TBL3: variants seen among roughly 807,000 people sequenced by gnomAD.
TBL3 encodes transducin beta-like protein 3.
Under a neutral mutation model 102.7 loss-of-function variants are expected in TBL3, and 71 were observed. That is an observed-to-expected ratio of 0.69 (90% CI 0.57 to 0.84). The LOEUF is 0.84. Ranked by LOEUF, TBL3 falls within the 40% of genes least tolerant of loss-of-function variation. The pLI is 0.00. For synonymous variants in TBL3, 578 were observed against 477.7 expected (o/e 1.21, Z -2.74); for missense variants, 1,188 against 1,098.5 (o/e 1.08, Z -1.15).
rs1194916676 is a variant in TBL3, at chr16:1,978,160, G to A, written c.2074G>A (p.Asp692Asn). Residue 692 changes from aspartate (D) to asparagine (N), a missense_variant, in exon 20 of 22, where the codon GAC becomes AAC. Physicochemically the swap from Asp to Asn is conservative, Grantham distance 23. Coordinates refer to ENST00000568546, the MANE Select transcript of TBL3 (RefSeq NM_006453.3). Reference protein sequence around the residue: ...VLTVIQAIRRDPEACEKLEAT... With the variant: ...VLTVIQAIRRNPEACEKLEAT... ...CCCTTCTCCCACAGCCATCCGGAGG[G>A]ACCCTGAGGCCTGCGAGAAGCTGGA... The A allele has an allele frequency of 6.2e-7, 1 of 1,612,752 alleles. No individual in the cohort carries two copies. Among genetic ancestry groups the A allele is most frequent in the Admixed American group, 1.7e-5 (1 of 60,012 alleles).
In TBL3 at chr16:1,977,374, G is replaced by T. The variant is rs2150884724; in HGVS notation, c.1690G>T (p.Ala564Ser). The T allele has an allele frequency of 4.3e-6, 7 of 1,613,382 alleles. No homozygotes were observed. In the South Asian group the frequency reaches 6.6e-5, roughly 15 times the overall value. The change falls in exon 16 of 22, where the codon GCT (alanine) becomes TCT (serine). Residue 564 changes from alanine to serine, a missense_variant. Transcript: ENST00000568546. ...SCLKTFEGHD[A>S]SVLKVAFVSR... ...CTTGCAGACATTTGAGGGGCACGAT[G>T]CTTCTGTGCTGAAGGTGGCCTTTGT... is the stretch of plus-strand genomic sequence containing the variant.
In TBL3 at chr16:1,980,749, G is replaced by A. The variant is rs1440645618; in HGVS notation, c.*2064G>A. On this transcript the variant is annotated 3_prime_UTR_variant, in exon 22 of 22. Transcript: ENST00000568546. ...AGGGTCTTCTGAGGGCGGGAACCAG[G>A]GCATTGGTCTTCCAGAGCCCACTGT... 1.9e-6 allele frequency: 3 copies of A among 1,584,218 alleles called. No homozygotes were observed. The highest frequency in any genetic ancestry group is 2.6e-6 in the Non-Finnish European group (3 of 1,164,096).
rs763672005 is a variant in TBL3, at chr16:1,974,042, C to G, written c.42-14C>G. 6.5e-7 allele frequency: 1 copy of G among 1,543,006 alleles called. No homozygotes were observed. The highest frequency in any genetic ancestry group is 1.4e-5 in the African/African-American group (1 of 73,264). On this transcript the variant is annotated splice_polypyrimidine_tract_variant and intron_variant, in intron 1 of 21. Coordinates refer to ENST00000568546, the MANE Select transcript of TBL3 (RefSeq NM_006453.3). ...GGGTGGGTGGTGCTCATTCGCCTCC[C>G]GCTCTCCTTCCAGCTATGCTGTGGA...
Position 1,977,982 on chromosome 16 carries a change from G to A in TBL3, c.1983G>A (p.Leu661=), listed in dbSNP as rs772434936. The change falls in exon 19 of 22, where the codon CTG becomes CTA. Residue 661 remains leucine (L), a synonymous_variant. Transcript: ENST00000568546. ...GGCAGCAAGAGCTGGACAACCTGCT[G>A]CATGAGAAGCGGTACCTGCGGGCGC... ...VVRQQELDNL[L]HEKRYLRALG... is the part of the protein sequence containing the mutation. The A allele has an allele frequency of 6.2e-7, 1 of 1,604,268 alleles. No individual in the cohort carries two copies. The highest frequency in any genetic ancestry group is 1.7e-5 in the Admixed American group (1 of 59,402).
At position 1,978,081 on chromosome 16, in the gene TBL3, G is replaced by A. The variant is rs749912673; in HGVS notation, c.2062+20G>A. The stretch of plus-strand genomic sequence containing the variant: ...TCCAGGGTCAGTGCCCACCCCGGGG[G>A]GCGAGGGGCTGGGTCTTCGGACCAC... On this transcript the variant is annotated intron_variant, in intron 19 of 21. Coordinates refer to ENST00000568546, the MANE Select transcript of TBL3 (RefSeq NM_006453.3). 5 of 1,605,522 alleles carry A rather than the reference G, an allele frequency of 3.1e-6. No individual in the cohort carries two copies. In the East Asian group the frequency reaches 1.1e-4, roughly 36 times the overall value.
rs377458388 is a variant in TBL3 at position 1,977,500 on chromosome 16, C to T, written c.1743-14C>T. On this transcript the variant is annotated splice_polypyrimidine_tract_variant and intron_variant, in intron 16 of 21. Transcript: ENST00000568546. Reference sequence around the variant, plus strand: ...ACCTGCCTGACGCTGAGCCTCTCCCCACCCCAAACCCAGCGGTTCGGATGG... The same window carrying T: ...ACCTGCCTGACGCTGAGCCTCTCCCTACCCCAAACCCAGCGGTTCGGATGG... 95 of 1,609,288 alleles carry T rather than the reference C, an allele frequency of 5.9e-5. No homozygotes were observed. Among genetic ancestry groups the T allele is most frequent in the Non-Finnish European group, 7.5e-5 (88 of 1,178,344 alleles).
Position 1,975,253 on chromosome 16 carries a change from T to G in TBL3, c.702T>G (p.Pro234=), listed in dbSNP as rs1284776672. 1 of 1,613,766 alleles carries G rather than the reference T, an allele frequency of 6.2e-7. No individual in the cohort carries two copies. ...LQSCQATRTV[P]VFESVEAAVL... The stretch of plus-strand genomic sequence containing the variant: ...GCTGCCAGGCCACGAGGACCGTGCC[T>G]GTGTTTGAGGTGGGGATGCCTGGAG... Residue 234 remains proline, a synonymous_variant, in exon 8 of 22, where the codon CCT becomes CCG. Coordinates refer to ENST00000568546, the MANE Select transcript of TBL3 (RefSeq NM_006453.3).
rs757761587 is a variant in TBL3 at position 1,972,168 on chromosome 16, G to A, written c.4G>A (p.Ala2Thr). 11 of 1,447,796 alleles carry A rather than the reference G, an allele frequency of 7.6e-6. No homozygotes were observed. The South Asian group carries it at 1.5e-4, about 20-fold the overall frequency. The allele number at this position is 1,447,796 out of a possible 1,614,324, so 89.7% of individuals were successfully genotyped here. Residue 2 changes from alanine to threonine, a missense_variant, in exon 1 of 22, where the codon GCA becomes ACA. By Grantham distance (58) the Ala-to-Thr change is moderately conservative. Transcript: ENST00000568546. Reference sequence around the variant, plus strand: ...CTGGAGCGGCGGCGGCGGCAACATGGCAGAGACCGCGGCCGGAGTGGGCCG... The same window carrying A: ...CTGGAGCGGCGGCGGCGGCAACATGACAGAGACCGCGGCCGGAGTGGGCCG... M[A>T]ETAAGVGRFK...
chr16:1,975,874 G>A lies in TBL3; in HGVS notation c.1054G>A (p.Val352Met), dbSNP rs202186758. 48 of 1,614,098 alleles carry A rather than the reference G, an allele frequency of 3.0e-5. No individual in the cohort carries two copies. The highest frequency in any genetic ancestry group is 1.7e-4 in the African/African-American group (13 of 75,050). The change falls in exon 11 of 22, where the codon GTG (valine) becomes ATG (methionine). Residue 352 changes from valine (V) to methionine (M), a missense_variant. By Grantham distance (21) the Val-to-Met change is conservative (BLOSUM62 1). Transcript: ENST00000568546. ...FLGPEDSHVV[V>M]ASNSPCLKVF... ...TGGGCCCGAGGACTCCCACGTTGTCGTGGCCTCCAATAGCCCCTGCCTAAA... is the reference window on the plus strand; with the variant it reads ...TGGGCCCGAGGACTCCCACGTTGTCATGGCCTCCAATAGCCCCTGCCTAAA...
Position 1,975,071 on chromosome 16 carries a change from T to C in TBL3, c.608T>C (p.Phe203Ser). 6.2e-7 allele frequency: 1 copy of C among 1,609,556 alleles called. No individual in the cohort carries two copies. The highest frequency in any genetic ancestry group is 1.7e-5 in the Admixed American group (1 of 60,010). The change falls in exon 7 of 22, where the codon TTC becomes TCC. Residue 203 changes from phenylalanine (F) to serine (S), a missense_variant. Phe to Ser is a radical substitution (Grantham distance 155, BLOSUM62 -2). Coordinates refer to ENST00000568546, the MANE Select transcript of TBL3 (RefSeq NM_006453.3). ...TACAGCGCCGTCACCTCACTGGCCT[T>C]CAGCGCCGACGGCCACACCATGCTC... ...AHYSAVTSLA[F>S]SADGHTMLSS...
At position 1,975,078 on chromosome 16, in the gene TBL3, C is replaced by T. The variant is rs745912184; in HGVS notation, c.615C>T (p.Ala205=). The T allele has an allele frequency of 1.3e-5, 21 of 1,610,138 alleles. No individual in the cohort carries two copies. Among genetic ancestry groups the T allele is most frequent in the Non-Finnish European group, 1.5e-5 (18 of 1,180,002 alleles). ...CCGTCACCTCACTGGCCTTCAGCGC[C>T]GACGGCCACACCATGCTCAGGTCAG... ...YSAVTSLAFS[A]DGHTMLSSGR... The change falls in exon 7 of 22, where the codon GCC becomes GCT. Residue 205 remains alanine (A), a synonymous_variant. Coordinates refer to ENST00000568546, the MANE Select transcript of TBL3 (RefSeq NM_006453.3).
chr16:1,975,063 A>G lies in TBL3; in HGVS notation c.600A>G (p.Ser200=). 6.2e-7 allele frequency: 1 copy of G among 1,608,816 alleles called. No homozygotes were observed. Among genetic ancestry groups the G allele is most frequent in the Non-Finnish European group, 8.5e-7 (1 of 1,179,942 alleles). Residue 200 remains serine, a synonymous_variant, in exon 7 of 22, where the codon TCA becomes TCG. Coordinates refer to ENST00000568546, the MANE Select transcript of TBL3 (RefSeq NM_006453.3). The stretch of plus-strand genomic sequence containing the variant: ...CTGCCCACTACAGCGCCGTCACCTC[A>G]CTGGCCTTCAGCGCCGACGGCCACA... ...VLTAHYSAVT[S]LAFSADGHTM...
rs2083529164 is a variant in TBL3 at position 1,982,876 on chromosome 16, C to G, written c.*4191C>G. 6.6e-6 allele frequency: 1 copy of G among 151,628 alleles called. No individual in the cohort carries two copies. Among genetic ancestry groups the G allele is most frequent in the Non-Finnish European group, 1.5e-5 (1 of 67,960 alleles). The allele number at this position is 151,628 out of a possible 1,614,324, so 9.4% of individuals were successfully genotyped here. A position where few individuals can be genotyped will look rare whatever the true frequency, so the allele number is the denominator to read the frequency against. ...CGCGGCTGCAGTGAACAAGATCGCG[C>G]CACTGCACTCCACCCTGGGTAACGG... On this transcript the variant is annotated 3_prime_UTR_variant, in exon 22 of 22. Coordinates refer to ENST00000568546, the MANE Select transcript of TBL3 (RefSeq NM_006453.3).
In TBL3 at chr16:1,974,381, C is replaced by A. The variant is rs772569204; in HGVS notation, c.195C>A (p.Asp65Glu). Residue 65 changes from aspartate to glutamate, a missense_variant, in exon 4 of 22, where the codon GAC (aspartate) becomes GAA (glutamate). Coordinates refer to ENST00000568546, the MANE Select transcript of TBL3 (RefSeq NM_006453.3). ...GAVLRSLEQE[D>E]QEDITAFDLS... Reference sequence around the variant, plus strand: ...CACACCACTCTTTCTCCTAGGAGGACCAGGAGGACATCACTGCCTTTGACC... The same window carrying A: ...CACACCACTCTTTCTCCTAGGAGGAACAGGAGGACATCACTGCCTTTGACC... The A allele has an allele frequency of 6.2e-7, 1 of 1,610,196 alleles. No homozygotes were observed.
Position 1,978,909 on chromosome 16 carries a change from G to A in TBL3, c.*224G>A, listed in dbSNP as rs760095550. 56 of 1,102,880 alleles carry A rather than the reference G, an allele frequency of 5.1e-5. No homozygotes were observed. Among genetic ancestry groups the A allele is most frequent in the Non-Finnish European group, 6.7e-5 (52 of 780,654 alleles). The allele number at this position is 1,102,880 out of a possible 1,614,324, so 68.3% of individuals were successfully genotyped here. On this transcript the variant is annotated 3_prime_UTR_variant, in exon 22 of 22. Coordinates refer to ENST00000568546, the MANE Select transcript of TBL3 (RefSeq NM_006453.3). ...AGCCCGCGGCTCCGCACGCTTAGACGGTGGGGGTCATGCAGAACAAGCTTT... is the reference window on the plus strand; with the variant it reads ...AGCCCGCGGCTCCGCACGCTTAGACAGTGGGGGTCATGCAGAACAAGCTTT...
rs754565108 is a variant in TBL3, at chr16:1,980,067, C to G, written c.*1382C>G. 1.9e-6 allele frequency: 3 copies of G among 1,607,752 alleles called. No individual in the cohort carries two copies. The East Asian group carries it at 6.7e-5, about 36-fold the overall frequency. ...CCTGAAAAGGCCTATCCCGCGTGTCCTGGGTACAGAAGGGCTGCAGGCAGC... is the reference window on the plus strand; with the variant it reads ...CCTGAAAAGGCCTATCCCGCGTGTCGTGGGTACAGAAGGGCTGCAGGCAGC... On this transcript the variant is annotated 3_prime_UTR_variant, in exon 22 of 22. Transcript: ENST00000568546.
In TBL3 at chr16:1,975,368, G is replaced by A; in HGVS notation, c.735G>A (p.Leu245=). 6.2e-7 allele frequency: 1 copy of A among 1,614,004 alleles called. No individual in the cohort carries two copies. Among genetic ancestry groups the A allele is most frequent in the Non-Finnish European group, 8.5e-7 (1 of 1,180,010 alleles). ...VFESVEAAVL[L]PEEPVSQLGV... is the part of the protein sequence containing the mutation. Reference sequence around the variant, plus strand: ...AGAGCGTGGAGGCTGCTGTGCTGTTGCCAGAGGAGCCAGTGTCCCAGCTGG... The same window carrying A: ...AGAGCGTGGAGGCTGCTGTGCTGTTACCAGAGGAGCCAGTGTCCCAGCTGG... Residue 245 remains leucine (L), a synonymous_variant, in exon 9 of 22, where the codon TTG becomes TTA. Transcript: ENST00000568546.
chr16:1,977,052 AG>A lies in TBL3; in HGVS notation c.1441del, dbSNP rs1347421464. On this transcript the variant is annotated splice_acceptor_variant, in intron 14 of 21. Transcript: ENST00000568546. LOFTEE classifies it high-confidence loss of function. ...TGAGCCACCACCTTCTCCCATTGCC[AG>A]GACATCAACAGCGTGGCTATTGCCC... 6.2e-7 allele frequency: 1 copy of A among 1,612,956 alleles called. No homozygotes were observed. Among genetic ancestry groups the A allele is most frequent in the Non-Finnish European group, 8.5e-7 (1 of 1,179,758 alleles).
In TBL3 at chr16:1,982,123, C is replaced by T. The variant is rs1399112831; in HGVS notation, c.*3438C>T. On this transcript the variant is annotated 3_prime_UTR_variant, in exon 22 of 22. Transcript: ENST00000568546. ...CAGTGGTTTTTCCTCGTGCTGGGGC[C>T]ACCAGTTCTGTGTTGGGATGCACCT... 1 of 152,200 alleles carries T rather than the reference C, an allele frequency of 6.6e-6. No individual in the cohort carries two copies. Among genetic ancestry groups the T allele is most frequent in the Non-Finnish European group, 1.5e-5 (1 of 68,054 alleles). The allele number at this position is 152,200 out of a possible 1,614,324, so 9.4% of individuals were successfully genotyped here. A position where few individuals can be genotyped will look rare whatever the true frequency, so the allele number is the denominator to read the frequency against.
Sources: allele counts gnomAD v4.1 joint callset, GRCh38; gene constraint gnomAD v4.1.1; transcripts MANE v1.5; gene names NCBI Gene and HGNC (gene_info 2026-07-23, HGNC 2026-07-21).